The following DYNLL1 variants were observed in gnomAD, a reference collection of about 807,000 sequenced individuals.
DYNLL1 encodes the protein dynein light chain 1, cytoplasmic.
In DYNLL1, 3 loss-of-function variants were observed where a neutral mutation model predicts 10.1. The observed-to-expected ratio is 0.30, with a 90% CI of 0.14 to 0.77. DYNLL1 has a LOEUF of 0.77. Ranked by LOEUF, DYNLL1 falls within the 30% of genes least tolerant of loss-of-function variation. The pLI is 0.66. For synonymous variants in DYNLL1, 46 were observed against 41.2 expected (o/e 1.12, Z -0.45); for missense variants, 47 against 111.7 (o/e 0.42, Z 2.61).
chr12:120,489,520 G>C (rs1879071879), intron 1 of DYNLL1, among the ~76,000 whole-genome samples: 1 of 152,052 alleles, frequency 6.6e-6, no homozygotes, highest in South Asian at 2.1e-4. Context: ...CCCTATCTCT[G>C]CTACCACCTC....
chr12:120,494,076 G>GCT (rs1236762728), upstream of DYNLL1, among the ~76,000 whole-genome samples: 1 of 152,002 alleles, frequency 6.6e-6, no homozygotes, highest in Non-Finnish European at 1.5e-5. Flanking sequence ...TCTACTTAGT[G>GCT]GAGTCACCGT....
chr12:120,496,133 A>G lies in DYNLL1; in HGVS notation c.-90A>G. 1 of 505,506 alleles carries G rather than the reference A, an allele frequency of 2.0e-6. No individual in the cohort carries two copies. The highest frequency in any genetic ancestry group is 3.5e-6 in the Non-Finnish European group (1 of 281,834). The allele number at this position is 505,506 out of a possible 1,614,324, so 31.3% of individuals were successfully genotyped here. ...TGCTTAGATGCGCCACGGTTTCGGT[A>G]GCGACGGTATCTCTAGCCGGGCCTG... On this transcript the variant is annotated 5_prime_UTR_variant, in exon 1 of 3. Transcript: ENST00000242577.
exon 1 of DYNLL1, chr12:120,469,912 G>T (rs1022496372): frequency 2.9e-5 from 6 of 210,350 alleles, no homozygotes; most frequent in African/African-American, 7.0e-5. Context: ...GTTCGCGCTC[G>T]GCTGAGGCGC....
intron 1 of DYNLL1, among the ~76,000 whole-genome samples, chr12:120,485,923 G>A (rs551558196): frequency 6.7e-6 from 1 of 149,402 alleles, no homozygotes. Context: ...TAGACTGGAT[G>A]TATTTAAGAC....
At chr12:120,496,077 G>T, upstream of DYNLL1, 2 of 406,752 alleles carry the variant, frequency 4.9e-6, no homozygotes, top group South Asian at 5.2e-5. Flanking sequence ...GGCGGGGCCT[G>T]AGCACTAGGC....
chr12:120,493,259 C>T (rs1879179009), upstream of DYNLL1, among the ~76,000 whole-genome samples: 1 of 152,078 alleles, frequency 6.6e-6, no homozygotes, highest in African/African-American at 2.4e-5. Context: ...CTTATTAGGC[C>T]GGGTGCGATG....
At position 120,498,486 on chromosome 12, in the gene DYNLL1, CAG is replaced by C; in HGVS notation, c.*278_*279del. ...ATTCCTTTAAAAAATAAATCTGATGCAGATGTGTATGTGTGTGAATTACAATT... is the reference window on the plus strand; with the variant it reads ...ATTCCTTTAAAAAATAAATCTGATGCATGTGTATGTGTGTGAATTACAATT... On this transcript the variant is annotated 3_prime_UTR_variant, in exon 3 of 3. Transcript: ENST00000242577. The C allele has an allele frequency of 1.5e-5, 5 of 337,868 alleles. No homozygotes were observed. The South Asian group carries it at 2.6e-4, about 18-fold the overall frequency. The allele number at this position is 337,868 out of a possible 1,614,324, so 20.9% of individuals were successfully genotyped here. A position where few individuals can be genotyped will look rare whatever the true frequency, so the allele number is the denominator to read the frequency against.
At chr12:120,487,035 C>T (rs1349072764) in intron 1 of DYNLL1, among the ~76,000 whole-genome samples, 6 of 148,426 alleles carry the variant, frequency 4.0e-5, no homozygotes, top group African/African-American at 1.0e-4. Flanking sequence ...AGTGCAATGG[C>T]GCCATCTCGG....
intron 1 of DYNLL1, among the ~76,000 whole-genome samples, chr12:120,480,090 C>T (rs1035744406): frequency 6.6e-6 from 1 of 152,070 alleles, no homozygotes; most frequent in Non-Finnish European, 1.5e-5. Context: ...AGAAGGACAG[C>T]AGAAGGGGAC....
At chr12:120,475,910 A>C (rs1003792621) in intron 1 of DYNLL1, among the ~76,000 whole-genome samples, 22 of 152,200 alleles carry the variant, frequency 1.4e-4, no homozygotes, top group African/African-American at 5.1e-4. Flanking sequence ...CAGTTATTCT[A>C]GCTCCAGAAA....
At chr12:120,485,839 T>TAAAAAA (rs749971979) in intron 1 of DYNLL1, among the ~76,000 whole-genome samples, 1 of 76,250 alleles carries the variant, frequency 1.3e-5, no homozygotes, top group Non-Finnish European at 2.4e-5. Context: ...AGTCCCTGTC[T>TAAAAAA]AAAAAAAAAA....
intron 2 of DYNLL1, chr12:120,496,775 G>T (rs1868430791): frequency 3.1e-6 from 2 of 653,876 alleles, no homozygotes; most frequent in East Asian, 2.8e-5. Flanking sequence ...ACCCAGCTCC[G>T]CGGGGGGAAA....
At chr12:120,476,610 G>GT (rs1262425629) in intron 1 of DYNLL1, among the ~76,000 whole-genome samples, 1 of 152,150 alleles carries the variant, frequency 6.6e-6, no homozygotes, top group South Asian at 2.1e-4. Context: ...TGTTTGGGGG[G>GT]TTTTTTTGTT....
intron 2 of DYNLL1, 65 bp from the exon 3 acceptor site, chr12:120,498,008 A>T: frequency 6.6e-7 from 1 of 1,524,952 alleles, no homozygotes; most frequent in Non-Finnish European, 8.9e-7. Flanking sequence ...GCTCTGGCTT[A>T]TCCAAGAGGC....
At chr12:120,490,545 T>C (rs1158592790) in intron 1 of DYNLL1, 1 of 152,274 alleles carries the variant, frequency 6.6e-6, no homozygotes, top group Non-Finnish European at 1.5e-5. Flanking sequence ...CAAGTAGGCC[T>C]GCCTGCCTTG....
intron 1 of DYNLL1, among the ~76,000 whole-genome samples, chr12:120,474,835 G>A (rs1234364116): frequency 6.6e-6 from 1 of 152,196 alleles, no homozygotes; most frequent in African/African-American, 2.4e-5. Context: ...GAGAGCTATG[G>A]AATGAGTCAC....
chr12:120,473,316 T>C (rs2137056110), intron 1 of DYNLL1, among the ~76,000 whole-genome samples: 1 of 152,074 alleles, frequency 6.6e-6, no homozygotes, highest in East Asian at 1.9e-4. Context: ...CCCAGCACTT[T>C]GGGAGGCTGA....
At chr12:120,496,717 A>G in intron 2 of DYNLL1, 164 bp downstream of exon 2, 1 of 1,085,304 alleles carries the variant, frequency 9.2e-7, no homozygotes, top group East Asian at 2.6e-5. Context: ...TCCTGTGGAG[A>G]AGACCAGACC....
chr12:120,494,960 C>A (rs1343887599), upstream of DYNLL1, among the ~76,000 whole-genome samples: 1 of 152,174 alleles, frequency 6.6e-6, no homozygotes, highest in African/African-American at 2.4e-5. Context: ...TGATAAGATT[C>A]ATTGATCATT....
Sources: allele counts gnomAD v4.1 joint callset (sites outside exome capture counted in the v4.1 genomes callset), GRCh38; gene constraint gnomAD v4.1.1; transcripts MANE v1.5; gene names NCBI Gene and HGNC (gene_info 2026-07-23, HGNC 2026-07-21).